The following PELI1 variants were observed in gnomAD, a reference collection of about 807,000 sequenced individuals.
PELI1 encodes the protein pellino E3 ubiquitin protein ligase 1.
Under a neutral mutation model 41.3 loss-of-function variants are expected in PELI1, and 15 were observed. That is an observed-to-expected ratio of 0.36 (90% CI 0.24 to 0.56). The LOEUF is 0.56. PELI1 is among the 20% of genes least tolerant of loss of function. The probability of loss-of-function intolerance (pLI) is 0.82; values close to 1 mark genes in which losing one functional copy is unlikely to be tolerated. For missense variants in PELI1, 403 were observed against 525.5 expected, an observed-to-expected ratio of 0.77 and a Z score of 2.28; for synonymous variants, 178 against 180.1, an observed-to-expected ratio of 0.99 and a Z score of 0.09.
At chr2:64,143,273 A>T (rs1042324034) in intron 1 of PELI1, 2 of 152,226 alleles carry the variant, frequency 1.3e-5, no homozygotes, top group Non-Finnish European at 2.9e-5. Context: ...TTAAGATTCA[A>T]ACACTATGTA....
chr2:64,131,258 T>C lies in PELI1; in HGVS notation c.-70+12823A>G, dbSNP rs540491791. Among the ~76,000 whole-genome samples the C allele has an allele frequency of 9.4e-4, 143 of 152,112 alleles. No individual in the cohort carries two copies. The Middle Eastern group carries it at 0.01, about 11-fold the overall frequency. ...TAAAGTAGTGCCAAATTTTAAATTT[T>C]GATATATTCTTAAAGCTCTCAGGGG... On this transcript the variant is annotated intron_variant, in intron 1 of 6. Coordinates refer to ENST00000358912, the MANE Select transcript of PELI1 (RefSeq NM_020651.4).
Position 64,140,787 on chromosome 2 carries a change from C to CAAAAAAAAAAAAAAAAAAA in PELI1, c.-70+3293_-70+3294insTTTTTTTTTTTTTTTTTTT, listed in dbSNP as rs377041268. ...GAAGTGATCTACTCAAGACAACATG[C>CAAAAAAAAAAAAAAAAAAA]AAAAAAAAAAAACAAACAAACAAAA... On this transcript the variant is annotated intron_variant, in intron 1 of 6. Coordinates refer to ENST00000358912, the MANE Select transcript of PELI1 (RefSeq NM_020651.4). 1.7e-3 allele frequency among the ~76,000 whole-genome samples: 81 copies of CAAAAAAAAAAAAAAAAAAA among 46,288 alleles called. 21 individuals are homozygous for CAAAAAAAAAAAAAAAAAAA. The highest frequency in any genetic ancestry group is 3.2e-3 in the African/African-American group (27 of 8,532). 30.4% of individuals were successfully genotyped at this position (46,288 alleles called of 152,430 possible).
intron 1 of PELI1, among the ~76,000 whole-genome samples, chr2:64,121,113 C>T (rs771572758): frequency 6.6e-6 from 1 of 152,198 alleles, no homozygotes; most frequent in African/African-American, 2.4e-5. Flanking sequence ...TAAATCTGCG[C>T]AGGTAGGCTG....
intron 1 of PELI1, among the ~76,000 whole-genome samples, chr2:64,119,308 CT>C (rs1681125057): frequency 6.6e-6 from 1 of 152,186 alleles, no homozygotes; most frequent in African/African-American, 2.4e-5. Flanking sequence ...AAATTATTCC[CT>C]TTGCAAGCTT....
intron 3 of PELI1, among the ~76,000 whole-genome samples, chr2:64,102,199 T>C (rs1033817735): frequency 2.2e-4 from 33 of 152,124 alleles, no homozygotes; most frequent in African/African-American, 7.7e-4. Context: ...AGTTCCCTTT[T>C]CTCTACAGAG....
chr2:64,099,893 C>T (rs548307409), intron 4 of PELI1, among the ~76,000 whole-genome samples: 33 of 152,238 alleles, frequency 2.2e-4, no homozygotes, highest in Non-Finnish European at 4.3e-4. Context: ...TGACCAAATA[C>T]ATGCTGAGAA....
chr2:64,111,686 A>G (rs1680811342), intron 1 of PELI1, among the ~76,000 whole-genome samples: 1 of 152,220 alleles, frequency 6.6e-6, no homozygotes, highest in Admixed American at 6.5e-5. Context: ...AAAACCTTCA[A>G]GGTAAAAACT....
chr2:64,132,925 G>C (rs1166368239), intron 1 of PELI1, among the ~76,000 whole-genome samples: 1 of 152,084 alleles, frequency 6.6e-6, no homozygotes, highest in Non-Finnish European at 1.5e-5. Context: ...TAGGTAATTT[G>C]TATAATACAT....
chr2:64,113,658 G>A (rs1462758759), intron 1 of PELI1, among the ~76,000 whole-genome samples: 2 of 152,114 alleles, frequency 1.3e-5, no homozygotes, highest in Non-Finnish European at 2.9e-5. Context: ...TTCTGGAATA[G>A]TGTTATTTTC....
intron 4 of PELI1, among the ~76,000 whole-genome samples, chr2:64,099,216 A>G (rs916487687): frequency 6.6e-6 from 1 of 151,868 alleles, no homozygotes; most frequent in Non-Finnish European, 1.5e-5. Flanking sequence ...ATATTTATCT[A>G]TATTTTATTA....
At chr2:64,107,455 T>C (rs1052957804) in intron 2 of PELI1, among the ~76,000 whole-genome samples, 84 of 152,208 alleles carry the variant, frequency 5.5e-4, no homozygotes, top group African/African-American at 2.0e-3. Flanking sequence ...AGAGGCATTA[T>C]GCTGTCACCA....
In PELI1 at chr2:64,141,313, C is replaced by CA. The variant is rs571027315; in HGVS notation, c.-70+2767_-70+2768insT. ...GAATAACATGTTTCCCGCCCCCACCCCAAAGGAGCTCCTAAAGCCACCTCA... is the reference window on the plus strand; with the variant it reads ...GAATAACATGTTTCCCGCCCCCACCCACAAAGGAGCTCCTAAAGCCACCTCA... On this transcript the variant is annotated intron_variant, in intron 1 of 6. Coordinates refer to ENST00000358912, the MANE Select transcript of PELI1 (RefSeq NM_020651.4). Among the ~76,000 whole-genome samples, 25 of 146,274 alleles carry CA rather than the reference C, an allele frequency of 1.7e-4. 1 individual carries two copies. Among genetic ancestry groups the CA allele is most frequent in the Non-Finnish European group, 3.4e-4 (23 of 67,036 alleles).
intron 2 of PELI1, among the ~76,000 whole-genome samples, chr2:64,105,566 C>T (rs1680592346): frequency 6.6e-6 from 1 of 152,180 alleles, no homozygotes; most frequent in African/African-American, 2.4e-5. Flanking sequence ...CTATCCCATA[C>T]ACATCACCTC....
intron 1 of PELI1, among the ~76,000 whole-genome samples, chr2:64,128,053 A>G (rs1681445460): frequency 1.3e-5 from 2 of 152,212 alleles, no homozygotes; most frequent in South Asian, 4.1e-4. Flanking sequence ...TAGATTAAAA[A>G]AAAATATCAA....
At chr2:64,132,508 A>ATTAG (rs1480832030) in intron 1 of PELI1, among the ~76,000 whole-genome samples, 1 of 152,164 alleles carries the variant, frequency 6.6e-6, no homozygotes, top group Non-Finnish European at 1.5e-5. Flanking sequence ...AGAGCTACCA[A>ATTAG]TTAGTGGGGG....
At chr2:64,138,497 G>A (rs1339704061) in intron 1 of PELI1, among the ~76,000 whole-genome samples, 3 of 152,086 alleles carry the variant, frequency 2.0e-5, no homozygotes, top group African/African-American at 2.4e-5. Context: ...GGAGGCGGAG[G>A]TAGGTGATCA....
chr2:64,094,596 A>T lies in PELI1; in HGVS notation c.*106T>A. 1 of 668,358 alleles carries T rather than the reference A, an allele frequency of 1.5e-6. No homozygotes were observed. The highest frequency in any genetic ancestry group is 2.5e-6 in the Non-Finnish European group (1 of 399,240). 41.4% of individuals were successfully genotyped at this position (668,358 alleles called of 1,614,324 possible). On this transcript the variant is annotated 3_prime_UTR_variant, in exon 7 of 7. Transcript: ENST00000358912. Reference sequence around the variant, plus strand: ...AATGTTTTAAAAAATTCTTCATCTTAATGCAAATGACCAGAGCAGAAAAAC... The same window carrying T: ...AATGTTTTAAAAAATTCTTCATCTTTATGCAAATGACCAGAGCAGAAAAAC...
At chr2:64,128,715 T>A (rs1681464586) in intron 1 of PELI1, among the ~76,000 whole-genome samples, 1 of 152,176 alleles carries the variant, frequency 6.6e-6, no homozygotes, top group Admixed American at 6.5e-5. Flanking sequence ...TAAATTTAAA[T>A]TTCTACACAC....
rs759516001 is a variant in PELI1, at chr2:64,100,382, T to G, written c.303+16A>C. 1.4e-5 allele frequency: 19 copies of G among 1,318,828 alleles called. No homozygotes were observed. The East Asian group carries it at 4.4e-4, about 31-fold the overall frequency. 81.7% of individuals were successfully genotyped at this position (1,318,828 alleles called of 1,614,324 possible). ...TTTTCGTTTCTTAAGAAAAAAAATT[T>G]AAGATGTTGTAATACCTGAAACATA... On this transcript the variant is annotated intron_variant, in intron 4 of 6. Coordinates refer to ENST00000358912, the MANE Select transcript of PELI1 (RefSeq NM_020651.4).
Sources: gnomAD v4.1 joint callset for allele counts (sites outside exome capture counted in the v4.1 genomes callset) on GRCh38, gnomAD v4.1.1 for gene constraint, MANE v1.5 for transcripts, NCBI Gene and HGNC (gene_info 2026-07-23, HGNC 2026-07-21) for gene names.